Variants in C1orf21 observed in about 807,000 individuals in gnomAD.
The protein encoded by C1orf21 is chromosome 1 open reading frame 21.
Under a neutral mutation model 18.7 loss-of-function variants are expected in C1orf21, and 3 were observed. The ratio of observed to expected loss-of-function variants is 0.16; its 90% CI spans 0.07 to 0.42. The LOEUF is 0.42. Among genes scored for constraint, C1orf21 ranks in the 10% least tolerant of loss-of-function variants. The pLI, the probability that C1orf21 is intolerant of heterozygous loss-of-function variation, is 0.99. For synonymous variants in C1orf21, 41 were observed against 46.4 expected (o/e 0.88, Z 0.47); for missense variants, 104 against 143.6 (o/e 0.72, Z 1.41).
chr1:184,566,973 AG>A, intron 3 of C1orf21: 1 of 528,014 alleles, frequency 1.9e-6, no homozygotes. Context: ...TCTGTGAATC[AG>A]GGTCCAGATG....
intron 2 of C1orf21, among the ~76,000 whole-genome samples, chr1:184,494,343 C>G (rs563488620): frequency 1.3e-5 from 2 of 152,270 alleles, no homozygotes; most frequent in African/African-American, 4.8e-5. Flanking sequence ...CTGTACTGCT[C>G]TGTACACTGG....
chr1:184,460,610 TGTCGTC>T lies in C1orf21; in HGVS notation c.-124-16769_-124-16764del, dbSNP rs148278320. On this transcript the variant is annotated intron_variant, in intron 1 of 5. Transcript: ENST00000235307. ...GCATCTGGAGTTGGGCTGTTAGTAT[TGTCGTC>T]GTCGTCTTCTTCTTCTTCTTCTTCT... 3.1e-3 allele frequency among the ~76,000 whole-genome samples: 430 copies of T among 138,780 alleles called. 8 individuals are homozygous for T. Among genetic ancestry groups the T allele is most frequent in the African/African-American group, 0.01 (356 of 34,666 alleles). 91.0% of individuals were successfully genotyped at this position (138,780 alleles called of 152,430 possible).
At chr1:184,555,379 C>T (rs1658863595) in intron 3 of C1orf21, among the ~76,000 whole-genome samples, 1 of 151,718 alleles carries the variant, frequency 6.6e-6, no homozygotes, top group Non-Finnish European at 1.5e-5. Flanking sequence ...CTGCCAATGT[C>T]TACACTGAGG....
chr1:184,481,602 T>C (rs1657656979), intron 2 of C1orf21, among the ~76,000 whole-genome samples: 1 of 152,200 alleles, frequency 6.6e-6, no homozygotes, highest in African/African-American at 2.4e-5. Flanking sequence ...TTGCTCTCTC[T>C]GTGCCTCTGT....
At chr1:184,589,581 A>G (rs558868888) in intron 3 of C1orf21, among the ~76,000 whole-genome samples, 8 of 152,250 alleles carry the variant, frequency 5.3e-5, no homozygotes, top group Non-Finnish European at 8.8e-5. Flanking sequence ...TTAAATGTTC[A>G]TGAAAACATT....
At chr1:184,596,889 GAAAGAAAGAAAAGA>G (rs1047839037) in intron 4 of C1orf21, among the ~76,000 whole-genome samples, 12 of 145,150 alleles carry the variant, frequency 8.3e-5, no homozygotes, top group Non-Finnish European at 1.5e-4. Flanking sequence ...AAAAAAAAAA[GAAAGAAAGAAAAGA>G]AAAGAAAGAA....
chr1:184,572,471 A>T (rs1413197840), intron 3 of C1orf21, among the ~76,000 whole-genome samples: 1 of 152,202 alleles, frequency 6.6e-6, no homozygotes, highest in Admixed American at 6.5e-5. Flanking sequence ...CACATTTGTG[A>T]GTTTTCATTT....
chr1:184,571,819 A>G (rs1659117643), intron 3 of C1orf21, among the ~76,000 whole-genome samples: 1 of 152,186 alleles, frequency 6.6e-6, no homozygotes, highest in Non-Finnish European at 1.5e-5. Flanking sequence ...TTAAGAATGT[A>G]AAGTATTTAT....
At chr1:184,475,011 G>A (rs1001141550) in intron 1 of C1orf21, among the ~76,000 whole-genome samples, 3 of 152,210 alleles carry the variant, frequency 2.0e-5, no homozygotes, top group Non-Finnish European at 4.4e-5. Flanking sequence ...AAAAGCAGAA[G>A]TAGCAACAGC....
chr1:184,614,307 T>C (rs1471835068), intron 5 of C1orf21, among the ~76,000 whole-genome samples: 1 of 152,222 alleles, frequency 6.6e-6, no homozygotes, highest in Admixed American at 6.5e-5. Flanking sequence ...TGTCCCCATT[T>C]TACAGATGGA....
chr1:184,573,213 C>T (rs966915107), intron 3 of C1orf21, among the ~76,000 whole-genome samples: 1 of 152,156 alleles, frequency 6.6e-6, no homozygotes, highest in Non-Finnish European at 1.5e-5. Flanking sequence ...GCGTTTACCC[C>T]GAGATAACTT....
chr1:184,471,758 A>G (rs1483045893), intron 1 of C1orf21, among the ~76,000 whole-genome samples: 1 of 152,176 alleles, frequency 6.6e-6, no homozygotes, highest in African/African-American at 2.4e-5. Context: ...TGTGGACATG[A>G]GAGTTTTCCC....
chr1:184,585,092 A>G (rs563091733), intron 3 of C1orf21, among the ~76,000 whole-genome samples: 202 of 152,340 alleles, frequency 1.3e-3, no homozygotes, highest in African/African-American at 4.7e-3. Context: ...AGGCTGTTAA[A>G]TATTTGTTTT....
chr1:184,431,554 C>T (rs1414697821), intron 1 of C1orf21, among the ~76,000 whole-genome samples: 1 of 152,128 alleles, frequency 6.6e-6, no homozygotes, highest in Non-Finnish European at 1.5e-5. Flanking sequence ...AGGACATAGG[C>T]ATGGGCAAAG....
chr1:184,596,336 A>G (rs1659512446), intron 4 of C1orf21, among the ~76,000 whole-genome samples: 1 of 152,206 alleles, frequency 6.6e-6, no homozygotes, highest in Non-Finnish European at 1.5e-5. Flanking sequence ...CTGCTTCAGC[A>G]AGGGGTCATG....
At chr1:184,411,533 TGC>T (rs1251416372) in intron 1 of C1orf21, among the ~76,000 whole-genome samples, 11 of 149,354 alleles carry the variant, frequency 7.4e-5, no homozygotes, top group African/African-American at 2.5e-4. Flanking sequence ...GCCATTCTCC[TGC>T]CTCAGCCTCC....
At chr1:184,466,170 C>T (rs749209075) in intron 1 of C1orf21, among the ~76,000 whole-genome samples, 34 of 152,134 alleles carry the variant, frequency 2.2e-4, no homozygotes, top group Non-Finnish European at 2.9e-4. Flanking sequence ...TAGCTCATAT[C>T]GTGTAACCGT....
intron 2 of C1orf21, among the ~76,000 whole-genome samples, chr1:184,501,003 C>A (rs1435572059): frequency 6.6e-6 from 1 of 152,224 alleles, no homozygotes; most frequent in Non-Finnish European, 1.5e-5. Context: ...CCTCAACAGA[C>A]TGGTCCATCT....
At chr1:184,408,980 A>C (rs1656290003) in intron 1 of C1orf21, among the ~76,000 whole-genome samples, 1 of 152,212 alleles carries the variant, frequency 6.6e-6, no homozygotes, top group Admixed American at 6.5e-5. Context: ...ACAGTGACCT[A>C]ATGGGTTTGG....
Sources: gnomAD v4.1 joint callset for allele counts (sites outside exome capture counted in the v4.1 genomes callset) on GRCh38, gnomAD v4.1.1 for gene constraint, MANE v1.5 for transcripts, NCBI Gene and HGNC (gene_info 2026-07-23, HGNC 2026-07-21) for gene names.